The following SCRIB variants were observed in gnomAD, a reference collection of about 807,000 sequenced individuals.
SCRIB encodes the protein protein scribble homolog.
A neutral mutation model predicts 170.0 loss-of-function variants in SCRIB; 72 were observed. The ratio of observed to expected loss-of-function variants is 0.42; its 90% CI spans 0.35 to 0.52. The LOEUF is 0.52. Among genes scored for constraint, SCRIB ranks in the 20% least tolerant of loss-of-function variants. The pLI, the probability that SCRIB is intolerant of heterozygous loss-of-function variation, is 0.02. For missense variants in SCRIB, 2,475 were observed against 2,338.5 expected, an observed-to-expected ratio of 1.06 and a Z score of -1.20; for synonymous variants, 1,298 against 1,044.3, an observed-to-expected ratio of 1.24 and a Z score of -4.68.
rs149325468 is a variant in SCRIB at position 143,805,642 on chromosome 8, G to A, written c.2347-207C>T. On this transcript the variant is annotated intron_variant, in intron 18 of 36. Coordinates refer to ENST00000356994, the MANE Select transcript of SCRIB (RefSeq NM_182706.5). ...TCCCCTACCAGGTCCTCTGAAACCC[G>A]GTGTGGGAAGCCCTAGGGCCAGGAC... 2.4e-3 allele frequency among the ~76,000 whole-genome samples: 359 copies of A among 152,250 alleles called. 1 individual carries two copies. The highest frequency in any genetic ancestry group is 8.3e-3 in the African/African-American group (344 of 41,524).
chr8:143,791,962 A>AC (rs149884795), intron 33 of SCRIB, 29 bp downstream of exon 33: 133,050 of 1,444,062 alleles, frequency 0.092, 10,858 homozygotes, highest in East Asian at 0.37. Context: ...CGGCAGGCTG[A>AC]CCCCCCCGAC....
rs374927932 is a variant in SCRIB at position 143,795,265 on chromosome 8, G to A, written c.3771+12C>T. 88 of 1,612,298 alleles carry A rather than the reference G, an allele frequency of 5.5e-5. 1 individual carries two copies. The Admixed American group carries it at 8.3e-4, about 15-fold the overall frequency. ...GTGCCCTGATGTGAGGGGGTGGGGC[G>A]ACCACACTCACTGCGGCTTCTGTGG... is the stretch of plus-strand genomic sequence containing the variant. On this transcript the variant is annotated intron_variant, in intron 26 of 36. Coordinates refer to ENST00000356994, the MANE Select transcript of SCRIB (RefSeq NM_182706.5).
chr8:143,809,825 G>T, intron 13 of SCRIB, 107 bp from the exon 14 acceptor site: 1 of 1,306,586 alleles, frequency 7.7e-7, no homozygotes, highest in South Asian at 1.3e-5. Context: ...CCGCTGCCCC[G>T]ACCAGGCACC....
Position 143,803,897 on chromosome 8 carries a change from C to T in SCRIB, c.3164G>A (p.Gly1055Glu). Reference sequence around the variant, plus strand: ...CCCGTTCACTGCCAGGATGCGGTCCCCAACCCGCAGGCCGCTGCGAGCGGC... The same window carrying T: ...CCCGTTCACTGCCAGGATGCGGTCCTCAACCCGCAGGCCGCTGCGAGCGGC... ...GLAARSGLRVGDRILAVNGQD... is the reference protein window; with the variant it reads ...GLAARSGLRVEDRILAVNGQD... Residue 1055 changes from glycine to glutamate, a missense_variant, in exon 23 of 37, where the codon GGG (glycine) becomes GAG (glutamate). Physicochemically the swap from Gly to Glu is moderately conservative, Grantham distance 98. Around this residue, in one of 3 missense-constraint regions of SCRIB, gnomAD observed 1,966 missense variants for 1,742.9 expected, o/e 1.13. Transcript: ENST00000356994. 3 of 1,594,096 alleles carry T rather than the reference C, an allele frequency of 1.9e-6. No homozygotes were observed. The highest frequency in any genetic ancestry group is 2.6e-6 in the Non-Finnish European group (3 of 1,170,524).
intron 16 of SCRIB, 95 bp from the exon 17 acceptor site, chr8:143,807,108 G>A (rs1249618834): frequency 2.2e-6 from 2 of 916,604 alleles, no homozygotes; most frequent in South Asian, 1.5e-5. Flanking sequence ...TGCCATTTCT[G>A]GCTTTTCTCT....
In SCRIB at chr8:143,796,296, G is replaced by A. The variant is rs145400850; in HGVS notation, c.3604-766C>T. Among the ~76,000 whole-genome samples the A allele has an allele frequency of 4.5e-4, 68 of 152,330 alleles. 1 individual carries two copies. The East Asian group carries it at 0.01, about 23-fold the overall frequency. ...ACCCCCAGCAGCAGCCAGAAGCAGC[G>A]GAGGAGGCAGCACAGTGGACACAGG... On this transcript the variant is annotated intron_variant, in intron 24 of 36. Transcript: ENST00000356994.
chr8:143,810,030 C>T lies in SCRIB; in HGVS notation c.1531-312G>A, dbSNP rs1160169543. 2.6e-5 allele frequency among the ~76,000 whole-genome samples: 4 copies of T among 152,174 alleles called. No homozygotes were observed. In the East Asian group the frequency reaches 5.8e-4, roughly 22 times the overall value. On this transcript the variant is annotated intron_variant, in intron 13 of 36. Coordinates refer to ENST00000356994, the MANE Select transcript of SCRIB (RefSeq NM_182706.5). The stretch of plus-strand genomic sequence containing the variant: ...TATGAACCTCCTCCCCTCCCATGCA[C>T]GGCCCCACACACCCTACCCCAGCCC...
chr8:143,798,876 T>C (rs184903307), intron 24 of SCRIB, among the ~76,000 whole-genome samples: 27 of 148,828 alleles, frequency 1.8e-4, no homozygotes, highest in African/African-American at 5.7e-4. Flanking sequence ...CACAAAAATG[T>C]TGGAATCCAG....
At chr8:143,791,957 G>T in intron 33 of SCRIB, 34 bp downstream of exon 33, 1 of 1,495,398 alleles carries the variant, frequency 6.7e-7, no homozygotes, top group Non-Finnish European at 8.9e-7. Context: ...CCATGCGGCA[G>T]GCTGACCCCC....
At chr8:143,809,441 C>T in intron 14 of SCRIB, 110 bp downstream of exon 14, 1 of 1,245,234 alleles carries the variant, frequency 8.0e-7, no homozygotes, top group Non-Finnish European at 1.1e-6. Flanking sequence ...GAAGCATCAG[C>T]AGGGCCCAGG....
rs1157523555 is a variant in SCRIB at position 143,804,924 on chromosome 8, C to G, written c.2751+10G>C. ...ATGGGTGGGTGGGGCGGGGCCCCAT[C>G]CCCACTCACAGAGAGGACGCGGTCG... On this transcript the variant is annotated intron_variant, in intron 20 of 36. Transcript: ENST00000356994. 1.3e-6 allele frequency: 2 copies of G among 1,544,196 alleles called. No homozygotes were observed. The highest frequency in any genetic ancestry group is 2.7e-5 in the African/African-American group (2 of 73,760).
At position 143,811,225 on chromosome 8, in the gene SCRIB, T is replaced by G. The variant is rs1815702602; in HGVS notation, c.1027A>C (p.Arg343=). Residue 343 remains arginine (R), a synonymous_variant, in exon 10 of 37, where the codon AGG becomes CGG. Transcript: ENST00000356994. ...GCVALSVLSL[R]DNRLAVLPPE... ...GGCAGGACGGCCAGGCGGTTGTCCCTCAAGGAGAGGACGCTGAGTGCCACA... is the reference window on the plus strand; with the variant it reads ...GGCAGGACGGCCAGGCGGTTGTCCCGCAAGGAGAGGACGCTGAGTGCCACA... 1 of 1,611,578 alleles carries G rather than the reference T, an allele frequency of 6.2e-7. No individual in the cohort carries two copies. Among genetic ancestry groups the G allele is most frequent in the Non-Finnish European group, 8.5e-7 (1 of 1,179,434 alleles).
At chr8:143,793,342 TA>T (rs1440486622) in intron 28 of SCRIB, 5 of 380,618 alleles carry the variant, frequency 1.3e-5, no homozygotes, top group African/African-American at 6.3e-5. Context: ...TGGTTTTGTC[TA>T]AAAAAGGCAG....
Position 143,805,069 on chromosome 8 carries a change from C to T in SCRIB, c.2670+43G>A, listed in dbSNP as rs782316258. On this transcript the variant is annotated intron_variant, in intron 19 of 36. Transcript: ENST00000356994. ...GCCGGTGAGGCTGGAGTGCGGCTGT[C>T]AGCTCTAGAGCAGCCCTCCCCGGCC... 4.4e-6 allele frequency: 7 copies of T among 1,586,982 alleles called. No homozygotes were observed. The Admixed American group carries it at 1.0e-4, about 24-fold the overall frequency.
rs1816038806 is a variant in SCRIB at position 143,815,424 on chromosome 8, CCGGGGGG to C, written c.-59_-53del. 5.7e-6 allele frequency: 7 copies of C among 1,230,292 alleles called. No individual in the cohort carries two copies. The highest frequency in any genetic ancestry group is 7.1e-6 in the Non-Finnish European group (7 of 983,632). 76.2% of individuals were successfully genotyped at this position (1,230,292 alleles called of 1,614,324 possible). A position where few individuals can be genotyped will look rare whatever the true frequency, so the allele number is the denominator to read the frequency against. ...GCGGCGGCGCTCGGCGGGCTCGGGG[CCGGGGGG>C]CGGGGCTCAGTCCGCATGGGCGCCG... On this transcript the variant is annotated 5_prime_UTR_variant, in exon 1 of 37. Coordinates refer to ENST00000356994, the MANE Select transcript of SCRIB (RefSeq NM_182706.5).
Position 143,806,400 on chromosome 8 carries a change from G to T in SCRIB, c.2346+7C>A. 3 of 1,598,750 alleles carry T rather than the reference G, an allele frequency of 1.9e-6. No homozygotes were observed. The highest frequency in any genetic ancestry group is 2.6e-6 in the Non-Finnish European group (3 of 1,171,986). On this transcript the variant is annotated splice_region_variant and intron_variant, in intron 18 of 36. Transcript: ENST00000356994. ...TGCCACTCGGGGCGGAGAGGTTGCC[G>T]ACTCACCTCCAGGAGCTTGTCACCC... is the stretch of plus-strand genomic sequence containing the variant.
chr8:143,805,197 A>C lies in SCRIB; in HGVS notation c.2585T>G (p.Val862Gly). The change falls in exon 19 of 37, where the codon GTG becomes GGG. Residue 862 changes from valine (V) to glycine (G), a missense_variant. Transcript: ENST00000356994. ...CCTCTCGCTGCGTGCCAGGCAGGCC[A>C]CGTGGCGCTGACGGAGGGGCCCGGG... Reference protein sequence around the residue: ...ESPGPLRQRHVACLARSERGL... With the variant: ...ESPGPLRQRHGACLARSERGL... 6.4e-7 allele frequency: 1 copy of C among 1,574,194 alleles called. No homozygotes were observed. Among genetic ancestry groups the C allele is most frequent in the Non-Finnish European group, 8.6e-7 (1 of 1,162,350 alleles).
chr8:143,806,480 A>G lies in SCRIB; in HGVS notation c.2273T>C (p.Ile758Thr). Residue 758 changes from isoleucine to threonine, a missense_variant, in exon 18 of 37, where the codon ATA becomes ACA. Ile to Thr is a moderately conservative substitution (Grantham distance 89). Coordinates refer to ENST00000356994, the MANE Select transcript of SCRIB (RefSeq NM_182706.5). ...TTCCTCGGACACCCGAGAGATGAATATGCCCTAGGGCACAGACACGAGCTT... is the reference window on the plus strand; with the variant it reads ...TTCCTCGGACACCCGAGAGATGAATGTGCCCTAGGGCACAGACACGAGCTT... Reference protein sequence around the residue: ...STPYKGDDEGIFISRVSEEGP... With the variant: ...STPYKGDDEGTFISRVSEEGP... The G allele has an allele frequency of 6.3e-7, 1 of 1,594,180 alleles. No individual in the cohort carries two copies.
chr8:143,812,244 TG>T (rs1483446908), intron 9 of SCRIB, 21 bp downstream of exon 9: 2 of 1,497,058 alleles, frequency 1.3e-6, no homozygotes, highest in East Asian at 4.5e-5. Context: ...CCATCCTTTC[TG>T]CCTCCCAAGC....
Sources: gnomAD v4.1 joint callset for allele counts (sites outside exome capture counted in the v4.1 genomes callset) on GRCh38, gnomAD v4.1.1 for gene constraint, gnomAD v4.1.1 regional missense constraint, MANE v1.5 for transcripts, NCBI Gene and HGNC (gene_info 2026-07-23, HGNC 2026-07-21) for gene names.